The following PSMD12 variants were observed in gnomAD, a reference collection of about 807,000 sequenced individuals.
The protein encoded by PSMD12 is 26S proteasome non-ATPase regulatory subunit 12.
Under a neutral mutation model 62.9 loss-of-function variants are expected in PSMD12, and 8 were observed. The observed-to-expected ratio is 0.13, with a 90% CI of 0.07 to 0.23. The LOEUF is 0.23. Ranked by LOEUF, PSMD12 falls within the 10% of genes least tolerant of loss-of-function variation. The pLI is 1.00. For missense variants in PSMD12, 424 were observed against 550.2 expected (o/e 0.77, Z 2.29); for synonymous variants, 173 against 187.4 (o/e 0.92, Z 0.63).
chr17:67,366,484 G>C lies in PSMD12; in HGVS notation c.36C>G (p.Arg12=), dbSNP rs2042180928. Reference sequence around the variant, plus strand: ...TGTAGTCCACCTCCATCTTGACGATGCGCCCGTCAGCCCGCTCCGAGCCGC... The same window carrying C: ...TGTAGTCCACCTCCATCTTGACGATCCGCCCGTCAGCCCGCTCCGAGCCGC... ...ADGGSERADG[R]IVKMEVDYSA... The change falls in exon 1 of 11, where the codon CGC becomes CGG. Residue 12 remains arginine (R), a synonymous_variant. Coordinates refer to ENST00000356126, the MANE Select transcript of PSMD12 (RefSeq NM_002816.5). 2 of 1,610,310 alleles carry C rather than the reference G, an allele frequency of 1.2e-6. No individual in the cohort carries two copies. The highest frequency in any genetic ancestry group is 2.2e-5 in the South Asian group (2 of 91,014).
chr17:67,344,061 A>C (rs2041940714), intron 9 of PSMD12, among the ~76,000 whole-genome samples: 1 of 152,200 alleles, frequency 6.6e-6, no homozygotes, highest in Admixed American at 6.5e-5. Flanking sequence ...AGTGTCTGGC[A>C]CACAGAAGGC....
intron 1 of PSMD12, among the ~76,000 whole-genome samples, chr17:67,364,094 T>C (rs1383207165): frequency 2.6e-5 from 4 of 151,664 alleles, no homozygotes; most frequent in Non-Finnish European, 5.9e-5. Flanking sequence ...AACAGAAAAA[T>C]ATGTTTAAAA....
chr17:67,356,474 C>A (rs930272601), intron 3 of PSMD12, among the ~76,000 whole-genome samples: 6 of 130,798 alleles, frequency 4.6e-5, no homozygotes, highest in Non-Finnish European at 6.3e-5. Context: ...AGGAGAATGG[C>A]GTGAACCCGG....
chr17:67,342,149 A>T, intron 10 of PSMD12, 37 bp downstream of exon 10: 2 of 1,379,834 alleles, frequency 1.4e-6, no homozygotes, highest in South Asian at 2.5e-5. Context: ...ATTCAAAAGG[A>T]ATGCCTACAA....
chr17:67,356,865 G>A (rs2042080207), intron 3 of PSMD12, among the ~76,000 whole-genome samples: 3 of 151,786 alleles, frequency 2.0e-5, no homozygotes, highest in Admixed American at 1.3e-4. Flanking sequence ...AAAAAAATTG[G>A]CCAGGTGTGG....
rs1184598147 is a variant in PSMD12 at position 67,338,983 on chromosome 17, T to C, written c.*1860A>G. 1 of 152,216 alleles carries C rather than the reference T, an allele frequency of 6.6e-6. No homozygotes were observed. The highest frequency in any genetic ancestry group is 1.5e-5 in the Non-Finnish European group (1 of 68,040). The allele number at this position is 152,216 out of a possible 1,614,324, so 9.4% of individuals were successfully genotyped here. A position where few individuals can be genotyped will look rare whatever the true frequency, so the allele number is the denominator to read the frequency against. On this transcript the variant is annotated 3_prime_UTR_variant, in exon 11 of 11. Coordinates refer to ENST00000356126, the MANE Select transcript of PSMD12 (RefSeq NM_002816.5). ...AAAGATGAAGTTATTGAGAAGCTAG[T>C]TTCAAATTAGCTCCAATTTTATTTA...
At chr17:67,351,722 C>G (rs1213616508) in intron 3 of PSMD12, among the ~76,000 whole-genome samples, 2 of 151,864 alleles carry the variant, frequency 1.3e-5, no homozygotes, top group Non-Finnish European at 2.9e-5. Context: ...TTTGGATACA[C>G]AGGTAACCCT....
At chr17:67,360,773 T>C (rs2042121602) in intron 1 of PSMD12, among the ~76,000 whole-genome samples, 1 of 152,224 alleles carries the variant, frequency 6.6e-6, no homozygotes, top group Admixed American at 6.5e-5. Context: ...ACGTGTTGAA[T>C]GGATTGGCAC....
chr17:67,350,130 T>A (rs1025919595), intron 4 of PSMD12, 99 bp downstream of exon 4: 12 of 717,632 alleles, frequency 1.7e-5, no homozygotes, highest in Non-Finnish European at 2.6e-5. Flanking sequence ...CTTTAAAAAA[T>A]AAACATAAAA....
chr17:67,358,963 T>G (rs2042104693), intron 1 of PSMD12, among the ~76,000 whole-genome samples: 1 of 152,128 alleles, frequency 6.6e-6, no homozygotes, highest in African/African-American at 2.4e-5. Flanking sequence ...AAAACTCAAA[T>G]AATATAAACA....
intron 8 of PSMD12, 45 bp downstream of exon 8, chr17:67,345,700 G>T: frequency 6.7e-7 from 1 of 1,500,136 alleles, no homozygotes; most frequent in South Asian, 1.1e-5. Context: ...CTTTCAAAAT[G>T]GTGTTTCGAC....
At chr17:67,345,099 A>G (rs2041952092) in intron 8 of PSMD12, among the ~76,000 whole-genome samples, 1 of 152,232 alleles carries the variant, frequency 6.6e-6, no homozygotes, top group Non-Finnish European at 1.5e-5. Context: ...TCTATTTTAT[A>G]TAATAGATTT....
At position 67,347,325 on chromosome 17, in the gene PSMD12, G is replaced by T. The variant is rs770414021; in HGVS notation, c.660+11C>A. ...CTTTTAAAGTAAACATGTGGTCACAGATATGCTCACCTCTGTATTTTCTTC... is the reference window on the plus strand; with the variant it reads ...CTTTTAAAGTAAACATGTGGTCACATATATGCTCACCTCTGTATTTTCTTC... On this transcript the variant is annotated intron_variant, in intron 6 of 10. Coordinates refer to ENST00000356126, the MANE Select transcript of PSMD12 (RefSeq NM_002816.5). The T allele has an allele frequency of 1.9e-6, 3 of 1,613,232 alleles. No homozygotes were observed. The highest frequency in any genetic ancestry group is 1.7e-6 in the Non-Finnish European group (2 of 1,179,660).
chr17:67,345,779 C>A lies in PSMD12; in HGVS notation c.874G>T (p.Gly292Cys). 1 of 1,612,746 alleles carries A rather than the reference C, an allele frequency of 6.2e-7. No individual in the cohort carries two copies. Among genetic ancestry groups the A allele is most frequent in the Non-Finnish European group, 8.5e-7 (1 of 1,179,174 alleles). ...EQSDLVHRIS[G>C]DKKLEEIPKY... ...GGAATTTCTTCTAACTTCTTGTCAC[C>A]ACTTATTCGGTGAACCAAATCTGAC... The change falls in exon 8 of 11, where the codon GGT becomes TGT. Residue 292 changes from glycine to cysteine, a missense_variant. Physicochemically the swap from Gly to Cys is radical, Grantham distance 159 (BLOSUM62 -3). Transcript: ENST00000356126.
chr17:67,355,088 G>T (rs201085191), intron 3 of PSMD12, among the ~76,000 whole-genome samples: 32 of 138,258 alleles, frequency 2.3e-4, no homozygotes, highest in East Asian at 4.4e-4. Flanking sequence ...GCATATTTTT[G>T]GTTTTTTTTT....
intron 10 of PSMD12, among the ~76,000 whole-genome samples, chr17:67,341,469 C>CAAAAAAAAA (rs71368819): frequency 2.0e-5 from 1 of 51,128 alleles, no homozygotes; most frequent in African/African-American, 8.3e-5. Flanking sequence ...GACTCTGCCT[C>CAAAAAAAAA]AAAAAAAAAA....
rs2041884411 is a variant in PSMD12, at chr17:67,338,933, A to C, written c.*1910T>G. ...TTTGGCCAAATAGTCCAGGTTTGAC[A>C]AGCCCACAGGTAATGAGTCTCTAGA... On this transcript the variant is annotated 3_prime_UTR_variant, in exon 11 of 11. Coordinates refer to ENST00000356126, the MANE Select transcript of PSMD12 (RefSeq NM_002816.5). 1.3e-5 allele frequency: 2 copies of C among 152,212 alleles called. No individual in the cohort carries two copies. The highest frequency in any genetic ancestry group is 4.8e-5 in the African/African-American group (2 of 41,448). The allele number at this position is 152,212 out of a possible 1,614,324, so 9.4% of individuals were successfully genotyped here.
intron 3 of PSMD12, among the ~76,000 whole-genome samples, chr17:67,354,235 A>T (rs2042045823): frequency 6.6e-6 from 1 of 152,116 alleles, no homozygotes; most frequent in African/African-American, 2.4e-5. Flanking sequence ...ACATAGCAGG[A>T]CTCCGTCTCT....
intron 1 of PSMD12, among the ~76,000 whole-genome samples, chr17:67,365,469 A>C (rs182009890): frequency 6.6e-6 from 1 of 152,306 alleles, no homozygotes; most frequent in Admixed American, 6.5e-5. Context: ...GACACTGCAG[A>C]AACTACTCAA....
Sources: allele counts gnomAD v4.1 joint callset (sites outside exome capture counted in the v4.1 genomes callset), GRCh38; gene constraint gnomAD v4.1.1; transcripts MANE v1.5; gene names NCBI Gene and HGNC (gene_info 2026-07-23, HGNC 2026-07-21).